Variants in KCNIP4 observed in about 807,000 individuals in gnomAD.
KCNIP4 encodes Kv channel-interacting protein 4.
In KCNIP4, 12 loss-of-function variants were observed where a neutral mutation model predicts 34.0. The ratio of observed to expected loss-of-function variants is 0.35; its 90% confidence interval spans 0.23 to 0.57. The LOEUF (loss-of-function observed/expected upper bound fraction) is 0.57. KCNIP4 is among the 20% of genes least tolerant of loss of function. The pLI is 0.83. For missense variants in KCNIP4, 238 were observed against 311.7 expected (o/e 0.76, Z 1.78); for synonymous variants, 124 against 102.2 (o/e 1.21, Z -1.29).
chr4:21,872,283 G>A (rs1349165052), intron 1 of KCNIP4, among the ~76,000 whole-genome samples: 2 of 152,072 alleles, frequency 1.3e-5, no homozygotes, highest in African/African-American at 2.4e-5. Context: ...CCTGAGAAAC[G>A]TGAACGCCTG....
In KCNIP4 at chr4:20,969,350, G is replaced by A. The variant is rs112368415; in HGVS notation, c.62-86641C>T. ...TGGTTTAAAAGCCATTAGCATTCCAGCCCTAAGACAAAGTTTCTTGGAATC... is the reference window on the plus strand; with the variant it reads ...TGGTTTAAAAGCCATTAGCATTCCAACCCTAAGACAAAGTTTCTTGGAATC... On this transcript the variant is annotated intron_variant, in intron 1 of 8. Transcript: ENST00000382152. Among the ~76,000 whole-genome samples the A allele has an allele frequency of 9.9e-5, 15 of 152,216 alleles. 2 individuals carry two copies. The highest frequency in any genetic ancestry group is 3.6e-4 in the African/African-American group (15 of 41,534).
intron 1 of KCNIP4, among the ~76,000 whole-genome samples, chr4:21,093,094 G>A (rs4426774): frequency 0.17 from 25,223 of 152,112 alleles, 2,191 homozygotes; most frequent in East Asian, 0.24. Flanking sequence ...CAAATCACTT[G>A]CTTCCCACCA....
intron 1 of KCNIP4, among the ~76,000 whole-genome samples, chr4:21,021,913 C>T (rs977793190): frequency 8.5e-6 from 1 of 117,724 alleles, no homozygotes; most frequent in Non-Finnish European, 1.9e-5. Flanking sequence ...TAGTATAGTA[C>T]ATAAACCAGT....
At chr4:21,062,751 G>A (rs1192352911) in intron 1 of KCNIP4, among the ~76,000 whole-genome samples, 1 of 152,076 alleles carries the variant, frequency 6.6e-6, no homozygotes, top group Non-Finnish European at 1.5e-5. Flanking sequence ...GACCCAGGAA[G>A]AGCTGATGTT....
intron 1 of KCNIP4, among the ~76,000 whole-genome samples, chr4:21,254,494 A>T (rs1309741681): frequency 6.6e-6 from 1 of 152,182 alleles, no homozygotes; most frequent in Non-Finnish European, 1.5e-5. Context: ...TGCATTTAAA[A>T]TCATTCCTCC....
At chr4:21,149,504 G>C (rs1752611129) in intron 1 of KCNIP4, among the ~76,000 whole-genome samples, 2 of 152,180 alleles carry the variant, frequency 1.3e-5, no homozygotes, top group African/African-American at 4.8e-5. Flanking sequence ...TCTAGAATGA[G>C]AAGACGCAGG....
intron 1 of KCNIP4, among the ~76,000 whole-genome samples, chr4:21,645,933 C>T (rs1002837489): frequency 3.9e-5 from 6 of 152,184 alleles, no homozygotes; most frequent in Non-Finnish European, 8.8e-5. Context: ...TCTGTGGCTT[C>T]ACTCTCAATG....
At chr4:21,925,049 C>T (rs1278295564) in intron 1 of KCNIP4, among the ~76,000 whole-genome samples, 1 of 152,084 alleles carries the variant, frequency 6.6e-6, no homozygotes, top group Non-Finnish European at 1.5e-5. Flanking sequence ...TTTCTGTCAA[C>T]TCTTAGAAGA....
At chr4:21,184,328 T>A (rs1471747347) in intron 1 of KCNIP4, among the ~76,000 whole-genome samples, 2 of 152,218 alleles carry the variant, frequency 1.3e-5, no homozygotes, top group African/African-American at 4.8e-5. Context: ...AGAATAACAG[T>A]AAGAATCTTA....
chr4:21,005,431 G>T (rs541902990), intron 1 of KCNIP4, among the ~76,000 whole-genome samples: 12 of 152,170 alleles, frequency 7.9e-5, no homozygotes, highest in African/African-American at 2.6e-4. Context: ...ACTTATTGAA[G>T]TTTTTTCTGA....
chr4:21,573,042 T>G (rs2109055879), intron 1 of KCNIP4, among the ~76,000 whole-genome samples: 1 of 152,284 alleles, frequency 6.6e-6, no homozygotes, highest in South Asian at 2.1e-4. Context: ...TTTCCTTGAC[T>G]TAGGTATTAG....
intron 1 of KCNIP4, among the ~76,000 whole-genome samples, chr4:21,792,931 C>A (rs981830183): frequency 6.6e-6 from 1 of 152,158 alleles, no homozygotes; most frequent in Non-Finnish European, 1.5e-5. Flanking sequence ...ATTCTAAATG[C>A]TCAGAGTATG....
chr4:21,274,156 A>G (rs945743846), intron 1 of KCNIP4, among the ~76,000 whole-genome samples: 2 of 152,202 alleles, frequency 1.3e-5, no homozygotes, highest in East Asian at 1.9e-4. Flanking sequence ...TACATGTTCT[A>G]TGAAACAGAT....
At chr4:21,506,582 A>G (rs1468528068) in intron 1 of KCNIP4, among the ~76,000 whole-genome samples, 1 of 152,204 alleles carries the variant, frequency 6.6e-6, no homozygotes, top group Non-Finnish European at 1.5e-5. Context: ...ATGTTCCAAC[A>G]TGTTCTTTTG....
chr4:21,636,291 A>C (rs568914602), intron 1 of KCNIP4, among the ~76,000 whole-genome samples: 1 of 116,986 alleles, frequency 8.5e-6, no homozygotes, highest in Non-Finnish European at 1.9e-5. Context: ...AAAGTATAAT[A>C]AAAAAAAAGG....
chr4:21,188,049 T>C (rs1288049636), intron 1 of KCNIP4, among the ~76,000 whole-genome samples: 1 of 152,198 alleles, frequency 6.6e-6, no homozygotes, highest in Non-Finnish European at 1.5e-5. Context: ...GAGAAAACTT[T>C]TACAAATCAT....
rs763425026 is a variant in KCNIP4, at chr4:20,882,638, C to T, written c.133G>A (p.Ala45Thr). ...ERLMKLLPCS[A>T]AKTSSPAIQN... is the part of the protein sequence containing the mutation. ...ATAGCAGGAGACGACGTTTTGGCAG[C>T]TGAGCAGGGCAAGAGCTTCATGAGC... The change falls in exon 2 of 9, where the codon GCT becomes ACT. Residue 45 changes from alanine to threonine, a missense_variant. Ala to Thr is a moderately conservative substitution (Grantham distance 58). Transcript: ENST00000382152. 6.2e-7 allele frequency: 1 copy of T among 1,613,358 alleles called. No individual in the cohort carries two copies. Among genetic ancestry groups the T allele is most frequent in the East Asian group, 2.2e-5 (1 of 44,820 alleles).
chr4:21,195,041 T>G (rs1256373591), intron 1 of KCNIP4, among the ~76,000 whole-genome samples: 1 of 152,208 alleles, frequency 6.6e-6, no homozygotes, highest in Non-Finnish European at 1.5e-5. Flanking sequence ...AAAGGGAAAC[T>G]TCTCTTCCTC....
intron 1 of KCNIP4, among the ~76,000 whole-genome samples, chr4:21,383,132 G>A (rs992542576): frequency 6.6e-6 from 1 of 152,154 alleles, no homozygotes; most frequent in African/African-American, 2.4e-5. Flanking sequence ...TCAGCAAGAA[G>A]TCGGCCATCT....
Sources: allele counts gnomAD v4.1 joint callset (sites outside exome capture counted in the v4.1 genomes callset), GRCh38; gene constraint gnomAD v4.1.1; transcripts MANE v1.5; gene names NCBI Gene and HGNC (gene_info 2026-07-23, HGNC 2026-07-21).